NT5C2: variants seen among roughly 807,000 people sequenced by gnomAD.
NT5C2 encodes the protein 5'-nucleotidase, cytosolic II, also known as cytosolic purine 5'-nucleotidase.
In NT5C2, 58 loss-of-function variants were observed where a neutral mutation model predicts 76.1. The observed-to-expected ratio is 0.76, with a 90% CI of 0.62 to 0.95. The LOEUF is 0.95. NT5C2 is among the 40% of genes least tolerant of loss of function. The pLI, the probability that NT5C2 is intolerant of heterozygous loss-of-function variation, is 0.00. For synonymous variants in NT5C2, 229 were observed against 237.4 expected (o/e 0.96, Z 0.32); for missense variants, 478 against 690.3 (o/e 0.69, Z 3.45).
chr10:103,093,899 G>T, intron 14 of NT5C2, 73 bp downstream of exon 14: 1 of 1,155,256 alleles, frequency 8.7e-7, no homozygotes, highest in Non-Finnish European at 1.3e-6. Context: ...GTGGCACTTT[G>T]CTGAGAGATT....
intron 2 of NT5C2, 78 bp from the exon 3 acceptor site, chr10:103,175,060 A>AGT: frequency 1.3e-6 from 1 of 793,484 alleles, no homozygotes; most frequent in South Asian, 1.6e-5. Flanking sequence ...AAAAATCAGA[A>AGT]AAACTCCAGC....
intron 11 of NT5C2, 57 bp from the exon 12 acceptor site, chr10:103,096,037 C>A: frequency 7.9e-7 from 1 of 1,261,708 alleles, no homozygotes; most frequent in Non-Finnish European, 1.2e-6. Flanking sequence ...AGGTATATAA[C>A]CTAAAGAAAT....
At chr10:103,120,282 T>C (rs994601204) in intron 4 of NT5C2, among the ~76,000 whole-genome samples, 1 of 151,896 alleles carries the variant, frequency 6.6e-6, no homozygotes, top group South Asian at 2.1e-4. Context: ...AAAAAACAGA[T>C]AAACTGGACT....
At chr10:103,092,560 AATG>A (rs113220878) in intron 15 of NT5C2, among the ~76,000 whole-genome samples, 2,193 of 152,336 alleles carry the variant, frequency 0.014, 54 homozygotes, top group African/African-American at 0.049. Context: ...CACTGCAGGT[AATG>A]CGCATCAAGG....
intron 3 of NT5C2, among the ~76,000 whole-genome samples, chr10:103,161,688 T>C (rs1186415373): frequency 1.3e-5 from 2 of 151,800 alleles, no homozygotes; most frequent in African/African-American, 4.8e-5. Context: ...TGCGCCACTG[T>C]ACTCCAGCCT....
chr10:103,130,028 C>A, intron 4 of NT5C2, among the ~76,000 whole-genome samples: 1 of 151,626 alleles, frequency 6.6e-6, no homozygotes. Context: ...GCCCCTCTGC[C>A]CGGCCACCAC....
intron 4 of NT5C2, among the ~76,000 whole-genome samples, chr10:103,135,325 G>C (rs577473095): frequency 6.6e-6 from 1 of 152,200 alleles, no homozygotes; most frequent in South Asian, 2.1e-4. Context: ...TGCTGTTCCT[G>C]TAATAGTGAA....
intron 4 of NT5C2, among the ~76,000 whole-genome samples, chr10:103,137,734 T>TCCCCACTA (rs1335868566): frequency 6.6e-6 from 1 of 152,182 alleles, no homozygotes; most frequent in Non-Finnish European, 1.5e-5. Flanking sequence ...TGATCCCTCA[T>TCCCCACTA]CCCCACTACT....
intron 3 of NT5C2, among the ~76,000 whole-genome samples, chr10:103,144,773 T>G (rs2081189691): frequency 6.6e-6 from 1 of 152,162 alleles, no homozygotes; most frequent in African/African-American, 2.4e-5. Flanking sequence ...AAGCTGTTCT[T>G]TAGGGAGCAG....
intron 3 of NT5C2, among the ~76,000 whole-genome samples, chr10:103,171,801 G>A (rs1216117545): frequency 6.6e-6 from 1 of 152,236 alleles, no homozygotes; most frequent in Non-Finnish European, 1.5e-5. Flanking sequence ...GCTCATGCCT[G>A]TAATCCCAGC....
chr10:103,125,996 G>A (rs895853353), intron 4 of NT5C2, among the ~76,000 whole-genome samples: 1 of 152,104 alleles, frequency 6.6e-6, no homozygotes, highest in Non-Finnish European at 1.5e-5. Context: ...AGCTTGTTTT[G>A]TCCTGGGGTT....
chr10:103,101,713 G>GTATGTGACCCATATACATATGGTGTGT (rs2069728210), intron 6 of NT5C2, among the ~76,000 whole-genome samples: 1 of 151,388 alleles, frequency 6.6e-6, no homozygotes, highest in Non-Finnish European at 1.5e-5. Flanking sequence ...ATAATTATAA[G>GTATGTGACCCATATACATATGGTGTGT]GTAAAAAATC....
chr10:103,133,459 C>G (rs1298205785), intron 4 of NT5C2, among the ~76,000 whole-genome samples: 1 of 152,126 alleles, frequency 6.6e-6, no homozygotes, highest in African/African-American at 2.4e-5. Flanking sequence ...TGGGGTCTCA[C>G]CATGTTGGCC....
At chr10:103,134,046 T>G (rs1263280081) in intron 4 of NT5C2, among the ~76,000 whole-genome samples, 1 of 152,188 alleles carries the variant, frequency 6.6e-6, no homozygotes, top group African/African-American at 2.4e-5. Flanking sequence ...TGGATGCTGT[T>G]AAAGTCATTC....
intron 4 of NT5C2, among the ~76,000 whole-genome samples, chr10:103,110,149 G>T (rs1388065766): frequency 2.6e-5 from 4 of 152,084 alleles, no homozygotes; most frequent in African/African-American, 9.7e-5. Flanking sequence ...AAAGCTCTTT[G>T]TAAGGCCAGG....
intron 1 of NT5C2, among the ~76,000 whole-genome samples, chr10:103,185,408 G>A (rs1393856882): frequency 6.6e-6 from 1 of 151,734 alleles, no homozygotes; most frequent in Non-Finnish European, 1.5e-5. Flanking sequence ...CACTCTGGGA[G>A]GCCAAGCCAG....
At chr10:103,131,002 A>G (rs2078066871) in intron 4 of NT5C2, among the ~76,000 whole-genome samples, 1 of 152,220 alleles carries the variant, frequency 6.6e-6, no homozygotes, top group African/African-American at 2.4e-5. Context: ...TTTGAAAACA[A>G]GAAAAAAGAA....
At chr10:103,146,061 T>G in intron 3 of NT5C2, 2 of 985,454 alleles carry the variant, frequency 2.0e-6, no homozygotes, top group Non-Finnish European at 2.4e-6. Flanking sequence ...TTTTGAAAAG[T>G]GTAAAACTAT....
At chr10:103,118,528 A>G (rs758599580) in intron 4 of NT5C2, among the ~76,000 whole-genome samples, 49 of 151,862 alleles carry the variant, frequency 3.2e-4, no homozygotes, top group Non-Finnish European at 5.7e-4. Flanking sequence ...TAATTTTTGC[A>G]TTTTTTGTAG....
Sources: allele counts gnomAD v4.1 joint callset (sites outside exome capture counted in the v4.1 genomes callset), GRCh38; gene constraint gnomAD v4.1.1; transcripts MANE v1.5; gene names NCBI Gene and HGNC (gene_info 2026-07-23, HGNC 2026-07-21).